The following GRM3 variants were observed in gnomAD, a reference collection of about 807,000 sequenced individuals.
GRM3 encodes glutamate metabotropic receptor 3, also known as metabotropic glutamate receptor 3.
Under a neutral mutation model 70.5 loss-of-function variants are expected in GRM3, and 26 were observed. That is an observed-to-expected ratio of 0.37 (90% confidence interval 0.27 to 0.51). The LOEUF is 0.51. Ranked by LOEUF, GRM3 falls within the 20% of genes least tolerant of loss-of-function variation. The probability of loss-of-function intolerance (pLI) is 0.93; values close to 1 mark genes in which losing one functional copy is unlikely to be tolerated. For missense variants in GRM3, 859 were observed against 1,123.8 expected, an observed-to-expected ratio of 0.76 and a Z score of 3.37; for synonymous variants, 443 against 434.9, an observed-to-expected ratio of 1.02 and a Z score of -0.23.
intron 1 of GRM3, among the ~76,000 whole-genome samples, chr7:86,666,126 A>G (rs1489491602): frequency 6.6e-6 from 1 of 152,092 alleles, no homozygotes; most frequent in Non-Finnish European, 1.5e-5. Flanking sequence ...ATTGAAAGTC[A>G]AATAATCCTT....
intron 1 of GRM3, among the ~76,000 whole-genome samples, chr7:86,741,311 C>T (rs1795985603): frequency 6.6e-6 from 1 of 152,080 alleles, no homozygotes; most frequent in African/African-American, 2.4e-5. Context: ...ACCACAACTG[C>T]TTCTAAAAAA....
At chr7:86,772,469 ACAC>A (rs1247077881) in intron 2 of GRM3, among the ~76,000 whole-genome samples, 2 of 152,094 alleles carry the variant, frequency 1.3e-5, no homozygotes, top group African/African-American at 2.4e-5. Flanking sequence ...CCCATTCTTT[ACAC>A]ATGTGCCACA....
chr7:86,863,218 T>G (rs367646236), intron 5 of GRM3, among the ~76,000 whole-genome samples: 13 of 152,296 alleles, frequency 8.5e-5, no homozygotes, highest in African/African-American at 3.1e-4. Context: ...ATATATAACT[T>G]ATCTGTACCT....
At chr7:86,715,773 C>G (rs1021408816) in intron 1 of GRM3, among the ~76,000 whole-genome samples, 7 of 151,940 alleles carry the variant, frequency 4.6e-5, no homozygotes, top group African/African-American at 1.7e-4. Context: ...AAAATGCTGG[C>G]TTACTCTAAA....
chr7:86,723,560 C>G (rs961472557), intron 1 of GRM3, among the ~76,000 whole-genome samples: 1 of 152,010 alleles, frequency 6.6e-6, no homozygotes. Context: ...GATTTTTTAC[C>G]AAACGAGTTA....
chr7:86,743,303 G>T (rs949607074), intron 1 of GRM3, among the ~76,000 whole-genome samples: 2 of 151,932 alleles, frequency 1.3e-5, no homozygotes, highest in African/African-American at 4.8e-5. Context: ...TTGGAATGTT[G>T]GTAGCTATAT....
At chr7:86,773,435 G>A (rs997613501) in intron 2 of GRM3, among the ~76,000 whole-genome samples, 2 of 151,924 alleles carry the variant, frequency 1.3e-5, no homozygotes, top group Non-Finnish European at 1.5e-5. Flanking sequence ...GAGACTCACA[G>A]AGGTCAAGTT....
chr7:86,732,673 G>GT (rs1795762236), intron 1 of GRM3, among the ~76,000 whole-genome samples: 1 of 152,214 alleles, frequency 6.6e-6, no homozygotes, highest in Non-Finnish European at 1.5e-5. Context: ...CACAAGGAAC[G>GT]TAAGGCTTAA....
At chr7:86,656,740 A>G (rs2115812618) in intron 1 of GRM3, among the ~76,000 whole-genome samples, 1 of 152,238 alleles carries the variant, frequency 6.6e-6, no homozygotes, top group South Asian at 2.1e-4. Context: ...CATTGAATGT[A>G]TGAGTGTAAT....
chr7:86,707,372 A>T (rs1389498202), intron 1 of GRM3, among the ~76,000 whole-genome samples: 1 of 152,078 alleles, frequency 6.6e-6, no homozygotes, highest in African/African-American at 2.4e-5. Flanking sequence ...GCGAATAATG[A>T]TACCTCCTCC....
At chr7:86,715,331 T>C (rs1228914057) in intron 1 of GRM3, among the ~76,000 whole-genome samples, 1 of 151,986 alleles carries the variant, frequency 6.6e-6, no homozygotes. Context: ...GACTTTAACA[T>C]AAGACATATT....
intron 1 of GRM3, among the ~76,000 whole-genome samples, chr7:86,722,494 A>G (rs1795491291): frequency 6.6e-6 from 1 of 151,344 alleles, no homozygotes; most frequent in Non-Finnish European, 1.5e-5. Flanking sequence ...CAGCAAACTA[A>G]CACAAAAACA....
intron 1 of GRM3, among the ~76,000 whole-genome samples, chr7:86,738,373 G>A (rs1034756529): frequency 5.9e-5 from 9 of 152,184 alleles, no homozygotes; most frequent in Non-Finnish European, 1.3e-4. Context: ...GAGGAAGAAA[G>A]TCTGACAGAG....
intron 2 of GRM3, 152 bp downstream of exon 2, chr7:86,765,765 T>G: frequency 1.4e-6 from 1 of 712,470 alleles, no homozygotes; most frequent in South Asian, 2.2e-5. Flanking sequence ...TAATATAGGT[T>G]TGCAGGCAGA....
intron 1 of GRM3, among the ~76,000 whole-genome samples, chr7:86,750,643 C>T (rs940593637): frequency 2.6e-5 from 4 of 151,008 alleles, no homozygotes; most frequent in African/African-American, 9.8e-5. Context: ...CAAGTGACCA[C>T]AGGTGAAGAA....
intron 1 of GRM3, among the ~76,000 whole-genome samples, chr7:86,709,541 T>C (rs746027889): frequency 6.6e-6 from 1 of 151,954 alleles, no homozygotes; most frequent in Non-Finnish European, 1.5e-5. Context: ...GCCTCTTCCA[T>C]CAGACCCAGC....
chr7:86,648,651 C>T (rs540274168), intron 1 of GRM3, among the ~76,000 whole-genome samples: 1 of 151,796 alleles, frequency 6.6e-6, no homozygotes, highest in Admixed American at 6.6e-5. Context: ...TTACATCATG[C>T]ATATATCAAT....
intron 1 of GRM3, among the ~76,000 whole-genome samples, chr7:86,721,751 G>T (rs967669448): frequency 6.6e-6 from 1 of 152,096 alleles, no homozygotes; most frequent in Non-Finnish European, 1.5e-5. Context: ...TTGTCAAGGG[G>T]ATGATACCAA....
chr7:86,774,431 T>C (rs138834922), intron 2 of GRM3, among the ~76,000 whole-genome samples: 2 of 152,166 alleles, frequency 1.3e-5, no homozygotes, highest in African/African-American at 4.8e-5. Context: ...ACACTAAAAG[T>C]GTAGTGTGAC....
Sources: allele counts gnomAD v4.1 joint callset (sites outside exome capture counted in the v4.1 genomes callset), GRCh38; gene constraint gnomAD v4.1.1; transcripts MANE v1.5; gene names NCBI Gene and HGNC (gene_info 2026-07-23, HGNC 2026-07-21).